BMPR1A: variants seen among roughly 807,000 people sequenced by gnomAD.
BMPR1A encodes the protein bone morphogenetic protein receptor type 1A.
Under a neutral mutation model 66.0 loss-of-function variants are expected in BMPR1A, and 7 were observed. The ratio of observed to expected loss-of-function variants is 0.11; its 90% CI spans 0.06 to 0.20. The LOEUF is 0.20. Among genes scored for constraint, BMPR1A ranks in the 10% least tolerant of loss-of-function variants. The pLI is 1.00. For synonymous variants in BMPR1A, 200 were observed against 229.7 expected, an observed-to-expected ratio of 0.87 and a Z score of 1.17; for missense variants, 408 against 669.1, an observed-to-expected ratio of 0.61 and a Z score of 4.31.
chr10:86,929,541 G>A (rs969469508), downstream of BMPR1A: 1 of 152,172 alleles, frequency 6.6e-6, no homozygotes, highest in African/African-American at 2.4e-5. Flanking sequence ...GACGCGATGT[G>A]GCACTGATTA....
chr10:86,931,298 C>CACACACACACACACATAT, downstream of BMPR1A: 8 of 90,928 alleles, frequency 8.8e-5, 1 homozygote, highest in African/African-American at 5.6e-4. Context: ...CACACACACA[C>CACACACACACACACATAT]ATATATATAT....
At chr10:86,764,849 A>C (rs1396831942) in intron 1 of BMPR1A, among the ~76,000 whole-genome samples, 2 of 152,254 alleles carry the variant, frequency 1.3e-5, no homozygotes, top group African/African-American at 2.4e-5. Context: ...AAAGATGTAA[A>C]ATATCTCATT....
intron 1 of BMPR1A, among the ~76,000 whole-genome samples, chr10:86,763,919 T>G (rs1841120287): frequency 6.6e-6 from 1 of 151,736 alleles, no homozygotes; most frequent in Admixed American, 6.6e-5. Context: ...GCCTCCTGAG[T>G]AGCTGGGACC....
chr10:86,894,268 TCTC>T (rs942547138), intron 5 of BMPR1A, among the ~76,000 whole-genome samples: 9 of 152,226 alleles, frequency 5.9e-5, no homozygotes, highest in Non-Finnish European at 1.3e-4. Context: ...CTAAGCCACA[TCTC>T]CTCCACTCTT....
chr10:86,879,772 A>G (rs1842963519), intron 3 of BMPR1A, among the ~76,000 whole-genome samples: 1 of 152,212 alleles, frequency 6.6e-6, no homozygotes, highest in Non-Finnish European at 1.5e-5. Context: ...GCTAAAAGCA[A>G]TTATCAGTGC....
intron 1 of BMPR1A, among the ~76,000 whole-genome samples, chr10:86,825,959 TA>T (rs756388144): frequency 3.3e-5 from 5 of 152,248 alleles, no homozygotes; most frequent in Non-Finnish European, 7.3e-5. Flanking sequence ...ATGAAATGCA[TA>T]TATTTGCAAA....
chr10:86,911,131 G>A (rs1250634564), intron 7 of BMPR1A, among the ~76,000 whole-genome samples: 3 of 147,580 alleles, frequency 2.0e-5, no homozygotes, highest in African/African-American at 7.6e-5. Flanking sequence ...CTCTAGCCTG[G>A]GTGACAGAGT....
chr10:86,899,389 G>A (rs1289663965), intron 5 of BMPR1A, among the ~76,000 whole-genome samples: 19 of 152,232 alleles, frequency 1.2e-4, no homozygotes, highest in Admixed American at 1.2e-3. Context: ...GGTAGGCAGG[G>A]TCTGCAGCGC....
chr10:86,906,502 G>A (rs1410959083), intron 7 of BMPR1A, among the ~76,000 whole-genome samples: 3 of 41,186 alleles, frequency 7.3e-5, no homozygotes, highest in Admixed American at 3.7e-4. Context: ...GGCGGATCAC[G>A]AGGCCAGGAG....
chr10:86,773,783 TTAAA>T (rs781538092), intron 1 of BMPR1A, among the ~76,000 whole-genome samples: 1 of 151,908 alleles, frequency 6.6e-6, no homozygotes, highest in Non-Finnish European at 1.5e-5. Context: ...AAAAGATATC[TTAAA>T]TAGACTAAGC....
intron 10 of BMPR1A, 106 bp from the exon 11 acceptor site, chr10:86,921,414 C>A: frequency 7.0e-7 from 1 of 1,433,302 alleles, no homozygotes; most frequent in Non-Finnish European, 9.7e-7. Flanking sequence ...CACAATGCAT[C>A]TGGCCCCAAG....
At chr10:86,894,601 A>G (rs934476191) in intron 5 of BMPR1A, among the ~76,000 whole-genome samples, 4 of 152,114 alleles carry the variant, frequency 2.6e-5, no homozygotes, top group Non-Finnish European at 4.4e-5. Flanking sequence ...TGAATTCACC[A>G]TTATAAGTTA....
chr10:86,879,685 A>G (rs1335972624), intron 3 of BMPR1A, among the ~76,000 whole-genome samples: 1 of 152,226 alleles, frequency 6.6e-6, no homozygotes, highest in African/African-American at 2.4e-5. Flanking sequence ...ACATGCAGCT[A>G]CTAATCCAGG....
intron 2 of BMPR1A, among the ~76,000 whole-genome samples, chr10:86,848,183 G>A (rs1842513235): frequency 6.6e-6 from 1 of 151,998 alleles, no homozygotes; most frequent in Non-Finnish European, 1.5e-5. Context: ...GAACTGCCTT[G>A]GCCTCCCAAA....
At chr10:86,852,984 T>C (rs1360785832) in intron 2 of BMPR1A, among the ~76,000 whole-genome samples, 1 of 152,196 alleles carries the variant, frequency 6.6e-6, no homozygotes, top group African/African-American at 2.4e-5. Flanking sequence ...AAAGTTGTTT[T>C]TTATGAAAGG....
At chr10:86,769,916 G>C (rs1187653675) in intron 1 of BMPR1A, among the ~76,000 whole-genome samples, 5 of 152,166 alleles carry the variant, frequency 3.3e-5, no homozygotes, top group African/African-American at 1.2e-4. Flanking sequence ...TTTTAGTTCA[G>C]GTGGGTAATG....
At chr10:86,902,622 A>G (rs961686471) in intron 7 of BMPR1A, among the ~76,000 whole-genome samples, 2 of 152,226 alleles carry the variant, frequency 1.3e-5, no homozygotes, top group African/African-American at 4.8e-5. Context: ...TGTAATCAGT[A>G]AACCCTACCC....
intron 2 of BMPR1A, among the ~76,000 whole-genome samples, chr10:86,839,940 G>A (rs1205454151): frequency 2.0e-5 from 3 of 152,060 alleles, no homozygotes; most frequent in African/African-American, 4.8e-5. Flanking sequence ...GGGATTACAG[G>A]CATGAGCTAC....
chr10:86,896,904 G>A (rs1369983742), intron 5 of BMPR1A, among the ~76,000 whole-genome samples: 1 of 152,102 alleles, frequency 6.6e-6, no homozygotes, highest in Non-Finnish European at 1.5e-5. Context: ...CTTGGTAAAC[G>A]TCACCCAAGC....
Sources: allele counts gnomAD v4.1 joint callset (sites outside exome capture counted in the v4.1 genomes callset), GRCh38; gene constraint gnomAD v4.1.1; transcripts MANE v1.5; gene names NCBI Gene and HGNC (gene_info 2026-07-23, HGNC 2026-07-21).